Variants in ZBBX observed in about 807,000 individuals in gnomAD.
The protein encoded by ZBBX is zinc finger B-box domain-containing protein 1.
A neutral mutation model predicts 108.5 loss-of-function variants in ZBBX; 101 were observed. That is an observed-to-expected ratio of 0.93 (90% CI 0.79 to 1.10). The LOEUF (loss-of-function observed/expected upper bound fraction) is 1.10, where lower values mean the gene tolerates loss of function less well. Among genes scored for constraint, ZBBX ranks in the 50% least tolerant of loss-of-function variants. ZBBX has a pLI of 0.00. For missense variants in ZBBX, 1,009 were observed against 941.4 expected (o/e 1.07, Z -0.94); for synonymous variants, 356 against 323.4 (o/e 1.10, Z -1.08).
At chr3:167,312,841 A>G (rs540962857) in intron 16 of ZBBX, among the ~76,000 whole-genome samples, 1 of 152,336 alleles carries the variant, frequency 6.6e-6, no homozygotes, top group South Asian at 2.1e-4. Context: ...ACACAAATCT[A>G]CCACTGCTTT....
intron 19 of ZBBX, among the ~76,000 whole-genome samples, chr3:167,286,174 TGGA>T (rs1386739719): frequency 6.6e-6 from 1 of 152,084 alleles, no homozygotes. Context: ...CAGAGCATCC[TGGA>T]GAAGAGGTAA....
chr3:167,206,503 G>T, the ZBBX span, among the ~76,000 whole-genome samples: 1 of 151,096 alleles, frequency 6.6e-6, no homozygotes, highest in East Asian at 2.0e-4. Context: ...AATTGAAGAA[G>T]ATAAAAATAA....
rs1030993019 is a variant in ZBBX at position 167,403,060 on chromosome 3, T to A, written c.-446+4666A>T. ...ACAATGACTGAAAAGTTTCCTTATA[T>A]GTTTGAAAATACATACATCTACAAA... On this transcript the variant is annotated intron_variant, in intron 1 of 21. Coordinates refer to the ZBBX transcript ENST00000455345. 5.9e-5 allele frequency among the ~76,000 whole-genome samples: 9 copies of A among 152,326 alleles called. No individual in the cohort carries two copies. In the East Asian group the frequency reaches 1.7e-3, roughly 29 times the overall value.
At chr3:167,399,217 C>T (rs1748343208) in intron 1 of ZBBX, among the ~76,000 whole-genome samples, 1 of 152,082 alleles carries the variant, frequency 6.6e-6, no homozygotes, top group Admixed American at 6.6e-5. Context: ...ATTTCTAATA[C>T]CACACAATAA....
chr3:167,221,693 G>A, the ZBBX span, among the ~76,000 whole-genome samples: 167 of 151,586 alleles, frequency 1.1e-3, no homozygotes, highest in African/African-American at 2.6e-3. Context: ...AAAAAGCTTC[G>A]CACAGAAGAG....
chr3:167,308,021 C>T (rs575430349), intron 16 of ZBBX, among the ~76,000 whole-genome samples: 5 of 152,196 alleles, frequency 3.3e-5, no homozygotes, highest in East Asian at 3.9e-4. Flanking sequence ...ACAGAATAAA[C>T]GGACAAACTA....
At position 167,314,133 on chromosome 3, in the gene ZBBX, C is replaced by T. The variant is rs760821366; in HGVS notation, c.1275-17G>A. 3.2e-6 allele frequency: 5 copies of T among 1,550,012 alleles called. No individual in the cohort carries two copies. In the Admixed American group the frequency reaches 1.0e-4, roughly 32 times the overall value. ...AAAGCACAACTTTCACATGTAGGAA[C>T]AAACAAAATAATAGAGTTGAAAAAA... On this transcript the variant is annotated splice_polypyrimidine_tract_variant and intron_variant, in intron 15 of 21. Transcript: ENST00000675490.
the ZBBX span, among the ~76,000 whole-genome samples, chr3:167,212,043 A>C: frequency 6.6e-6 from 1 of 152,076 alleles, no homozygotes; most frequent in Non-Finnish European, 1.5e-5. Flanking sequence ...GGGATCTACA[A>C]ACCAGGGTAT....
intron 5 of ZBBX, among the ~76,000 whole-genome samples, chr3:167,367,874 A>T (rs1385245911): frequency 6.7e-6 from 1 of 149,996 alleles, no homozygotes; most frequent in Non-Finnish European, 1.5e-5. Flanking sequence ...GCATAATATT[A>T]GAAAGTTCTC....
At chr3:167,394,935 T>C (rs1241201211) in intron 1 of ZBBX, among the ~76,000 whole-genome samples, 1 of 152,044 alleles carries the variant, frequency 6.6e-6, no homozygotes, top group African/African-American at 2.4e-5. Flanking sequence ...ACAAATTAGA[T>C]GAGTAAGTTA....
rs1036326596 is a variant in ZBBX at position 167,305,965 on chromosome 3, C to T, written c.1418-15G>A. 3 of 1,488,720 alleles carry T rather than the reference C, an allele frequency of 2.0e-6. No homozygotes were observed. The highest frequency in any genetic ancestry group is 2.7e-6 in the Non-Finnish European group (3 of 1,118,102). The allele number at this position is 1,488,720 out of a possible 1,614,324, so 92.2% of individuals were successfully genotyped here. ...TGAAGTTTCTGCTGTTAAAAACACACAGTTACAAAAGGTACATAAATAAAT... is the reference window on the plus strand; with the variant it reads ...TGAAGTTTCTGCTGTTAAAAACACATAGTTACAAAAGGTACATAAATAAAT... On this transcript the variant is annotated splice_polypyrimidine_tract_variant and intron_variant, in intron 16 of 21. Transcript: ENST00000675490.
the ZBBX span, among the ~76,000 whole-genome samples, chr3:167,200,031 A>G: frequency 6.6e-6 from 1 of 152,114 alleles, no homozygotes; most frequent in Non-Finnish European, 1.5e-5. Context: ...TTACAGATAC[A>G]TCAATTTAAT....
At chr3:167,286,340 C>T (rs972233898) in intron 19 of ZBBX, among the ~76,000 whole-genome samples, 1 of 152,088 alleles carries the variant, frequency 6.6e-6, no homozygotes, top group Non-Finnish European at 1.5e-5. Context: ...ATACTTTTTT[C>T]TACTTTCTAT....
chr3:167,236,831 C>T (rs923399890), downstream of ZBBX, among the ~76,000 whole-genome samples: 6 of 151,672 alleles, frequency 4.0e-5, no homozygotes, highest in African/African-American at 1.5e-4. Context: ...CTTCAAAAAT[C>T]ACATTTGTAC....
the ZBBX span, among the ~76,000 whole-genome samples, chr3:167,234,473 G>T: frequency 1.8e-4 from 27 of 151,792 alleles, no homozygotes; most frequent in Admixed American, 5.9e-4. Context: ...TAATGAGGAG[G>T]TCTCTGTTTG....
chr3:167,407,174 G>A (rs1007000186), intron 1 of ZBBX, among the ~76,000 whole-genome samples: 3 of 152,102 alleles, frequency 2.0e-5, no homozygotes, highest in African/African-American at 7.2e-5. Context: ...ATAAATATGT[G>A]CTTATCACCC....
intron 13 of ZBBX, 61 bp downstream of exon 13, chr3:167,317,427 G>C: frequency 8.0e-7 from 1 of 1,253,892 alleles, no homozygotes; most frequent in African/African-American, 1.5e-5. Context: ...TCTGATTAAT[G>C]CTTAGTGTAT....
intron 11 of ZBBX, among the ~76,000 whole-genome samples, chr3:167,323,489 T>C (rs1313552992): frequency 6.6e-6 from 1 of 152,124 alleles, no homozygotes; most frequent in Non-Finnish European, 1.5e-5. Flanking sequence ...TAATAATATT[T>C]GCTGGGAGGA....
At chr3:167,186,600 A>T in the ZBBX span, among the ~76,000 whole-genome samples, 1 of 152,168 alleles carries the variant, frequency 6.6e-6, no homozygotes, top group African/African-American at 2.4e-5. Flanking sequence ...TACATTGCTT[A>T]ATTCCTTTGC....
Sources: gnomAD v4.1 joint callset for allele counts (sites outside exome capture counted in the v4.1 genomes callset) on GRCh38, gnomAD v4.1.1 for gene constraint, MANE v1.5 for transcripts, NCBI Gene and HGNC (gene_info 2026-07-23, HGNC 2026-07-21) for gene names.